The following USP25 variants were observed in gnomAD, a reference collection of about 807,000 sequenced individuals.
USP25 encodes ubiquitin specific peptidase 25.
A neutral mutation model predicts 158.5 loss-of-function variants in USP25; 85 were observed. The ratio of observed to expected loss-of-function variants is 0.54; its 90% CI spans 0.45 to 0.64. The LOEUF (loss-of-function observed/expected upper bound fraction) is 0.64. Among genes scored for constraint, USP25 ranks in the 30% least tolerant of loss-of-function variants. USP25 has a pLI of 0.00. For synonymous variants in USP25, 464 were observed against 460.4 expected (o/e 1.01, Z -0.10); for missense variants, 1,242 against 1,327.3 (o/e 0.94, Z 1.00).
Position 15,788,009 on chromosome 21 carries a change from C to T in USP25, c.393-3493C>T, listed in dbSNP as rs1052972172. On this transcript the variant is annotated intron_variant, in intron 4 of 25. Coordinates refer to ENST00000400183, the MANE Select transcript of USP25 (RefSeq NM_001283041.3). Reference sequence around the variant, plus strand: ...TAGCGTAGTGTGTGGAAGGAAAAGACGCAGCAAAACATTTTGTCGTCTTTT... The same window carrying T: ...TAGCGTAGTGTGTGGAAGGAAAAGATGCAGCAAAACATTTTGTCGTCTTTT... Among the ~76,000 whole-genome samples, 3 of 142,800 alleles carry T rather than the reference C, an allele frequency of 2.1e-5. No homozygotes were observed. The Admixed American group carries it at 2.3e-4, about 11-fold the overall frequency. The allele number at this position is 142,800 out of a possible 152,430, so 93.7% of individuals were successfully genotyped here.
intron 1 of USP25, among the ~76,000 whole-genome samples, chr21:15,732,200 A>G (rs530089862): frequency 6.8e-4 from 104 of 152,272 alleles, no homozygotes; most frequent in African/African-American, 2.4e-3. Context: ...AATTCAAAAT[A>G]TTATCATTAT....
chr21:15,792,936 A>C (rs970667818), intron 5 of USP25, among the ~76,000 whole-genome samples: 1 of 151,648 alleles, frequency 6.6e-6, no homozygotes, highest in Admixed American at 6.6e-5. Context: ...TACGTTGTTT[A>C]CTTACATGCC....
intron 18 of USP25, among the ~76,000 whole-genome samples, chr21:15,844,717 A>G (rs1203191204): frequency 6.6e-6 from 1 of 152,186 alleles, no homozygotes; most frequent in Non-Finnish European, 1.5e-5. Flanking sequence ...AGAAAAAGTC[A>G]TGCATAGTCC....
chr21:15,766,280 TGAAAG>T lies in USP25; in HGVS notation c.268+143_268+147del. The T allele has an allele frequency of 1.5e-6, 1 of 651,030 alleles. No individual in the cohort carries two copies. Among genetic ancestry groups the T allele is most frequent in the Non-Finnish European group, 2.3e-6 (1 of 434,784 alleles). 40.3% of individuals were successfully genotyped at this position (651,030 alleles called of 1,614,324 possible). ...TAACCTTGGTTCTTTTTAATGTAGTTGAAAGGAACATACATTATCTTTTTCAGATT... is the reference window on the plus strand; with the variant it reads ...TAACCTTGGTTCTTTTTAATGTAGTTGAACATACATTATCTTTTTCAGATT... On this transcript the variant is annotated intron_variant, in intron 3 of 25. Coordinates refer to ENST00000400183, the MANE Select transcript of USP25 (RefSeq NM_001283041.3). The surrounding 1 kb of genome is among the most constrained non-coding windows in gnomAD (Gnocchi z 4.0).
chr21:15,737,380 A>G (rs139138706), intron 1 of USP25, among the ~76,000 whole-genome samples: 514 of 152,244 alleles, frequency 3.4e-3, no homozygotes, highest in African/African-American at 0.012. Flanking sequence ...CTCTTCCTGC[A>G]AATATATTTT....
intron 1 of USP25, among the ~76,000 whole-genome samples, chr21:15,757,963 G>T (rs1026665327): frequency 6.6e-6 from 1 of 152,162 alleles, no homozygotes; most frequent in Non-Finnish European, 1.5e-5. Context: ...CTGCTTTAGC[G>T]TAATGTGATT....
intron 20 of USP25, among the ~76,000 whole-genome samples, chr21:15,861,960 CAA>C (rs755294624): frequency 7.9e-5 from 12 of 151,980 alleles, no homozygotes; most frequent in Non-Finnish European, 1.5e-4. Flanking sequence ...TCAGCAAAAT[CAA>C]GAGGTGAACA....
chr21:15,812,407 G>C (rs1041289569), intron 9 of USP25, among the ~76,000 whole-genome samples: 1 of 152,020 alleles, frequency 6.6e-6, no homozygotes, highest in Non-Finnish European at 1.5e-5. Context: ...CCAGCACTTC[G>C]GGAGCCCGAG....
chr21:15,805,705 C>A (rs2036348437), intron 7 of USP25: 1 of 151,806 alleles, frequency 6.6e-6, no homozygotes, highest in African/African-American at 2.4e-5. Flanking sequence ...TTATCCATTA[C>A]CTTAAAAGAA....
At chr21:15,872,819 T>C (rs1334323804) in intron 23 of USP25, among the ~76,000 whole-genome samples, 2 of 152,146 alleles carry the variant, frequency 1.3e-5, no homozygotes, top group East Asian at 3.8e-4. Context: ...ATGGATTTAT[T>C]TTGTATCTAA....
At chr21:15,846,144 ATATATATATATATAT>A (rs2038587336) in intron 18 of USP25, among the ~76,000 whole-genome samples, 1 of 58,788 alleles carries the variant, frequency 1.7e-5, no homozygotes, top group African/African-American at 1.0e-4. Flanking sequence ...ATATATATAT[ATATATATATATATAT>A]TTTTTTTTTT....
chr21:15,745,360 G>T (rs1453709633), intron 1 of USP25, among the ~76,000 whole-genome samples: 7 of 151,712 alleles, frequency 4.6e-5, no homozygotes, highest in Non-Finnish European at 1.0e-4. Context: ...CCAATGTGTG[G>T]CTTGTATTTG....
chr21:15,783,737 C>T (rs2035103338), intron 4 of USP25, among the ~76,000 whole-genome samples: 1 of 150,972 alleles, frequency 6.6e-6, no homozygotes, highest in African/African-American at 2.4e-5. Flanking sequence ...GCAGGCAGAT[C>T]ACGAGGTCAG....
Position 15,766,172 on chromosome 21 carries a change from A to G in USP25, c.268+31A>G. On this transcript the variant is annotated intron_variant, in intron 3 of 25. Coordinates refer to ENST00000400183, the MANE Select transcript of USP25 (RefSeq NM_001283041.3). The surrounding 1 kb of genome is among the most constrained non-coding windows in gnomAD (Gnocchi z 4.0). ...TTTTCTTTCTTTTCTTATTATTTTAATAGAAACATACTGAAAAACTTTTCT... is the reference window on the plus strand; with the variant it reads ...TTTTCTTTCTTTTCTTATTATTTTAGTAGAAACATACTGAAAAACTTTTCT... 6.4e-7 allele frequency: 1 copy of G among 1,566,018 alleles called. No homozygotes were observed. The highest frequency in any genetic ancestry group is 1.4e-5 in the African/African-American group (1 of 72,672).
At chr21:15,745,769 C>G (rs892707659) in intron 1 of USP25, among the ~76,000 whole-genome samples, 3 of 152,174 alleles carry the variant, frequency 2.0e-5, no homozygotes, top group African/African-American at 7.2e-5. Flanking sequence ...AGCCACCACG[C>G]CCGGCTGCTT....
chr21:15,799,758 C>A lies in USP25; in HGVS notation c.557C>A (p.Ser186Ter). 5 of 1,582,168 alleles carry A rather than the reference C, an allele frequency of 3.2e-6. No individual in the cohort carries two copies. In the South Asian group the frequency reaches 3.4e-5, roughly 11 times the overall value. Reference protein sequence around the residue: ...NTCWFSAVIQSLFNLLEFRRL... With the variant: ...NTCWFSAVIQ ...TGTTAAATTGTTGTTCTTTTTCAGT[C>A]ATTATTTAATCTTTTGGAATTTAGA... Residue 186 changes from serine to a stop codon, truncating the protein, a stop_gained and splice_region_variant, in exon 6 of 26, where the codon TCA becomes TAA. Transcript: ENST00000400183. LOFTEE classifies it high-confidence loss of function.
chr21:15,777,241 CTTGTT>C (rs1310624484), intron 3 of USP25, among the ~76,000 whole-genome samples: 1 of 152,088 alleles, frequency 6.6e-6, no homozygotes, highest in African/African-American at 2.4e-5. Context: ...AAATGAGAAT[CTTGTT>C]TTAAATTAAA....
intron 8 of USP25, among the ~76,000 whole-genome samples, chr21:15,810,141 T>G (rs1357986983): frequency 6.6e-6 from 1 of 152,122 alleles, no homozygotes; most frequent in Non-Finnish European, 1.5e-5. Context: ...TTATCACAGT[T>G]TTAAGAAGTG....
chr21:15,745,473 C>CTTTTTTTTTTTTT (rs11284817), intron 1 of USP25, among the ~76,000 whole-genome samples: 11 of 112,990 alleles, frequency 9.7e-5, no homozygotes, highest in South Asian at 5.7e-4. Flanking sequence ...TTTTTCTTTT[C>CTTTTTTTTTTTTT]TTTTTTTTTT....
Sources: allele counts gnomAD v4.1 joint callset (sites outside exome capture counted in the v4.1 genomes callset), GRCh38; gene constraint gnomAD v4.1.1; non-coding constraint Gnocchi (gnomAD v3.1); transcripts MANE v1.5; gene names NCBI Gene and HGNC (gene_info 2026-07-23, HGNC 2026-07-21).